CPA6: variants seen among roughly 807,000 people sequenced by gnomAD.
CPA6 encodes carboxypeptidase A6, also known as carboxypeptidase B.
CPA6 carries 58 observed loss-of-function variants against 63.3 expected under a neutral mutation model. The ratio of observed to expected loss-of-function variants is 0.92; its 90% CI spans 0.74 to 1.14. The LOEUF (loss-of-function observed/expected upper bound fraction) is 1.14, where lower values mean the gene tolerates loss of function less well. Ranked by LOEUF, CPA6 falls within the 50% of genes most tolerant of loss-of-function variation. CPA6 has a pLI of 0.00. For synonymous variants in CPA6, 185 were observed against 179.0 expected, an observed-to-expected ratio of 1.03 and a Z score of -0.27; for missense variants, 565 against 526.6, an observed-to-expected ratio of 1.07 and a Z score of -0.71.
chr8:67,484,032 A>G (rs974246649), intron 7 of CPA6, among the ~76,000 whole-genome samples, 174 bp from the exon 8 acceptor site: 1 of 151,950 alleles, frequency 6.6e-6, no homozygotes, highest in African/African-American at 2.4e-5. Context: ...ACCCAGGTTC[A>G]TGCTCCAATT....
At chr8:67,695,414 T>G (rs1816895605) in intron 1 of CPA6, among the ~76,000 whole-genome samples, 1 of 152,214 alleles carries the variant, frequency 6.6e-6, no homozygotes, top group South Asian at 2.1e-4. Context: ...ATACTGGACC[T>G]CTTACATCAT....
chr8:67,570,591 T>C (rs1407702000), intron 2 of CPA6, among the ~76,000 whole-genome samples: 1 of 151,898 alleles, frequency 6.6e-6, no homozygotes, highest in Non-Finnish European at 1.5e-5. Flanking sequence ...AAGTTTAGAG[T>C]TGTACGCAAT....
At chr8:67,724,459 C>G (rs1172285371) in intron 1 of CPA6, among the ~76,000 whole-genome samples, 3 of 152,178 alleles carry the variant, frequency 2.0e-5, no homozygotes, top group African/African-American at 7.2e-5. Flanking sequence ...GCTCTGTACA[C>G]AAAACAAAAA....
chr8:67,558,832 A>C (rs767318411), intron 2 of CPA6, among the ~76,000 whole-genome samples: 1 of 152,252 alleles, frequency 6.6e-6, no homozygotes, highest in Non-Finnish European at 1.5e-5. Context: ...TTCCATCATG[A>C]AACTGAGGGT....
intron 2 of CPA6, among the ~76,000 whole-genome samples, chr8:67,580,965 A>C (rs1813755743): frequency 6.6e-6 from 1 of 152,040 alleles, no homozygotes; most frequent in Non-Finnish European, 1.5e-5. Context: ...AGTCACCCCC[A>C]AGTGTTATGG....
chr8:67,517,042 C>T (rs990771891), intron 3 of CPA6, among the ~76,000 whole-genome samples: 1 of 152,120 alleles, frequency 6.6e-6, no homozygotes, highest in Non-Finnish European at 1.5e-5. Context: ...GGTGATCTGA[C>T]CACCTCAGCC....
At chr8:67,492,372 A>G (rs1289718182) in intron 6 of CPA6, among the ~76,000 whole-genome samples, 1 of 152,250 alleles carries the variant, frequency 6.6e-6, no homozygotes, top group East Asian at 1.9e-4. Flanking sequence ...AGAGACAAGT[A>G]TGGCAATCTG....
At chr8:67,520,971 A>G (rs113799361) in intron 2 of CPA6, among the ~76,000 whole-genome samples, 60 of 152,340 alleles carry the variant, frequency 3.9e-4, no homozygotes, top group African/African-American at 1.4e-3. Context: ...TCAAGGTTCT[A>G]ATCAGCCCCC....
At chr8:67,464,563 G>A (rs914482434) in intron 8 of CPA6, among the ~76,000 whole-genome samples, 3 of 152,092 alleles carry the variant, frequency 2.0e-5, no homozygotes, top group African/African-American at 7.2e-5. Context: ...AATTGCTTTT[G>A]AGGACTTAGT....
intron 1 of CPA6, among the ~76,000 whole-genome samples, chr8:67,708,356 A>G (rs1433686537): frequency 6.6e-6 from 1 of 152,212 alleles, no homozygotes; most frequent in Non-Finnish European, 1.5e-5. Context: ...GAAAAAAATT[A>G]TGTTTCAAGA....
At chr8:67,598,178 T>G (rs1814395243) in intron 2 of CPA6, among the ~76,000 whole-genome samples, 1 of 151,474 alleles carries the variant, frequency 6.6e-6, no homozygotes, top group Admixed American at 6.9e-5. Flanking sequence ...CTACTTCACA[T>G]TTTAGCTGTC....
intron 8 of CPA6, among the ~76,000 whole-genome samples, chr8:67,476,051 G>A (rs1413952959): frequency 6.9e-6 from 1 of 145,634 alleles, no homozygotes; most frequent in Non-Finnish European, 1.5e-5. Context: ...GTCTTGCTCT[G>A]TTGCTGAGGT....
At position 67,426,917 on chromosome 8, in the gene CPA6, T is replaced by G. The variant is rs575677745; in HGVS notation, c.1126+1130A>C. On this transcript the variant is annotated intron_variant, in intron 10 of 10. Coordinates refer to ENST00000297770, the MANE Select transcript of CPA6 (RefSeq NM_020361.5). ...GGATTAATAAATATTTTGGCCTGGT[T>G]GACAGACCTGGCAGAATTAGGACTA... 3.3e-5 allele frequency among the ~76,000 whole-genome samples: 5 copies of G among 152,290 alleles called. No homozygotes were observed. The East Asian group carries it at 9.6e-4, about 29-fold the overall frequency.
At chr8:67,660,933 G>T (rs960268291) in intron 1 of CPA6, among the ~76,000 whole-genome samples, 1 of 152,070 alleles carries the variant, frequency 6.6e-6, no homozygotes, top group Non-Finnish European at 1.5e-5. Context: ...GACCTATATG[G>T]CTTCCATTTA....
At chr8:67,653,123 A>G (rs1815888392) in intron 1 of CPA6, among the ~76,000 whole-genome samples, 1 of 151,900 alleles carries the variant, frequency 6.6e-6, no homozygotes, top group Admixed American at 6.6e-5. Context: ...TACCAGTACC[A>G]TGCTGTTTTG....
intron 2 of CPA6, among the ~76,000 whole-genome samples, chr8:67,621,212 G>T: frequency 6.6e-6 from 1 of 152,144 alleles, no homozygotes; most frequent in East Asian, 1.9e-4. Context: ...ATTTCCCCTG[G>T]ACTTCACCCA....
chr8:67,694,035 T>C (rs116914566), intron 1 of CPA6, among the ~76,000 whole-genome samples: 5,291 of 152,348 alleles, frequency 0.035, 119 homozygotes, highest in Non-Finnish European at 0.047. Context: ...AAATGCCTAA[T>C]AGACCTCTGG....
intron 6 of CPA6, among the ~76,000 whole-genome samples, chr8:67,495,311 C>T (rs971361864): frequency 2.6e-5 from 4 of 152,188 alleles, no homozygotes; most frequent in Non-Finnish European, 4.4e-5. Flanking sequence ...TTTATCACTG[C>T]CTTCTTTTGT....
At chr8:67,628,192 G>A (rs1815236530) in intron 1 of CPA6, among the ~76,000 whole-genome samples, 1 of 151,978 alleles carries the variant, frequency 6.6e-6, no homozygotes, top group Middle Eastern at 3.4e-3. Context: ...CAGCCTGGGT[G>A]ACAGAGCGAG....
Sources: allele counts gnomAD v4.1 joint callset (sites outside exome capture counted in the v4.1 genomes callset), GRCh38; gene constraint gnomAD v4.1.1; transcripts MANE v1.5; gene names NCBI Gene and HGNC (gene_info 2026-07-23, HGNC 2026-07-21).